The following FHIP1A variants were observed in gnomAD, a reference collection of about 807,000 sequenced individuals.
FHIP1A encodes the protein FHF complex subunit HOOK interacting protein 1A.
Under a neutral mutation model 88.6 loss-of-function variants are expected in FHIP1A, and 61 were observed. The ratio of observed to expected loss-of-function variants is 0.69; its 90% CI spans 0.56 to 0.85. The LOEUF is 0.85. Among genes scored for constraint, FHIP1A ranks in the 40% least tolerant of loss-of-function variants. The pLI is 0.00. For missense variants in FHIP1A, 1,154 were observed against 1,273.5 expected (o/e 0.91, Z 1.43); for synonymous variants, 478 against 496.0 (o/e 0.96, Z 0.48).
intron 7 of FHIP1A, among the ~76,000 whole-genome samples, chr4:151,608,021 C>CTT (rs1735142234): frequency 9.5e-6 from 1 of 105,050 alleles, no homozygotes; most frequent in Admixed American, 9.3e-5. Flanking sequence ...TTTTTCTTTT[C>CTT]TTTTTCTTTC....
rs148717657 is a variant in FHIP1A at position 151,535,567 on chromosome 4, C to A, written c.-122-30571C>A. On this transcript the variant is annotated intron_variant, in intron 3 of 13. Transcript: ENST00000435205. ...TCTATGTGCATATGTGTATGTATGT[C>A]CATACTTATATGTGTATTTGTAACT... 4.8e-3 allele frequency among the ~76,000 whole-genome samples: 724 copies of A among 152,214 alleles called. 4 individuals carry two copies. The highest frequency in any genetic ancestry group is 0.01 in the Middle Eastern group (3 of 294).
At chr4:151,548,394 C>T (rs1461421919) in intron 3 of FHIP1A, among the ~76,000 whole-genome samples, 1 of 152,132 alleles carries the variant, frequency 6.6e-6, no homozygotes, top group African/African-American at 2.4e-5. Context: ...ACCTGCTGGG[C>T]TGCATTTCTA....
At chr4:151,468,284 C>CAA (rs921242622) in intron 2 of FHIP1A, among the ~76,000 whole-genome samples, 574 of 37,514 alleles carry the variant, frequency 0.015, 12 homozygotes, top group African/African-American at 0.032. Context: ...GACTCCATCT[C>CAA]AAAAAAAAAA....
intron 7 of FHIP1A, among the ~76,000 whole-genome samples, chr4:151,608,296 C>T (rs1560797063): frequency 6.6e-6 from 1 of 152,096 alleles, no homozygotes; most frequent in East Asian, 1.9e-4. Context: ...CCACCCACCT[C>T]AGCCTCCCAA....
At chr4:151,596,077 C>A (rs1222393168) in intron 7 of FHIP1A, among the ~76,000 whole-genome samples, 1 of 152,144 alleles carries the variant, frequency 6.6e-6, no homozygotes, top group Admixed American at 6.5e-5. Context: ...ATGATGCTAG[C>A]TGGTTATTTT....
At chr4:151,508,303 T>C (rs1369056202) in intron 3 of FHIP1A, among the ~76,000 whole-genome samples, 1 of 152,156 alleles carries the variant, frequency 6.6e-6, no homozygotes, top group African/African-American at 2.4e-5. Context: ...GCACAATAAT[T>C]TGGGGAGAAA....
chr4:151,512,001 C>A (rs1361469352), intron 3 of FHIP1A, among the ~76,000 whole-genome samples: 1 of 152,212 alleles, frequency 6.6e-6, no homozygotes, highest in Non-Finnish European at 1.5e-5. Flanking sequence ...GGTCCCTGAC[C>A]CCTGACCCCC....
intron 7 of FHIP1A, among the ~76,000 whole-genome samples, chr4:151,609,558 A>C (rs1188072066): frequency 6.7e-6 from 1 of 149,318 alleles, no homozygotes; most frequent in Admixed American, 6.8e-5. Context: ...TAATAGAAGC[A>C]ATTGGAACAT....
At position 151,663,179 on chromosome 4, in the gene FHIP1A, C is replaced by T. The variant is rs1035359815; in HGVS notation, c.*425C>T. The T allele has an allele frequency of 1.9e-5, 3 of 156,066 alleles. No individual in the cohort carries two copies. Among genetic ancestry groups the T allele is most frequent in the Middle Eastern group, 3.3e-3 (1 of 306 alleles). The allele number at this position is 156,066 out of a possible 1,614,324, so 9.7% of individuals were successfully genotyped here. ...GGAAGATTGTACACCTGCAACTGTG[C>T]GAATGGTCCTGTTGCCTCCTGCATT... On this transcript the variant is annotated 3_prime_UTR_variant, in exon 14 of 14. Transcript: ENST00000435205.
At chr4:151,454,234 A>G (rs1279102110) in intron 1 of FHIP1A, among the ~76,000 whole-genome samples, 1 of 152,200 alleles carries the variant, frequency 6.6e-6, no homozygotes, top group Non-Finnish European at 1.5e-5. Flanking sequence ...GGGTTGTGAT[A>G]TGGCATTCAT....
chr4:151,465,964 G>C (rs1729297687), intron 2 of FHIP1A, among the ~76,000 whole-genome samples: 2 of 152,054 alleles, frequency 1.3e-5, no homozygotes, highest in Admixed American at 1.3e-4. Context: ...ACTGGCACAT[G>C]ACAAGGATGG....
intron 1 of FHIP1A, among the ~76,000 whole-genome samples, chr4:151,443,415 G>GCCTCAGCCT (rs1561496875): frequency 1.3e-5 from 2 of 152,058 alleles, no homozygotes; most frequent in African/African-American, 4.8e-5. Context: ...GGATCCTCCC[G>GCCTCAGCCT]CCTCAGCCTC....
chr4:151,470,356 C>G (rs1729464655), intron 2 of FHIP1A, among the ~76,000 whole-genome samples: 2 of 152,152 alleles, frequency 1.3e-5, no homozygotes, highest in South Asian at 4.1e-4. Context: ...GGCTTGGGGC[C>G]AGAACATTTT....
At chr4:151,511,144 A>C (rs1275909942) in intron 3 of FHIP1A, among the ~76,000 whole-genome samples, 1 of 152,212 alleles carries the variant, frequency 6.6e-6, no homozygotes, top group Non-Finnish European at 1.5e-5. Context: ...GCTCTTTGGA[A>C]ACTGTGAAAT....
At chr4:151,605,863 T>A (rs897995423) in intron 7 of FHIP1A, among the ~76,000 whole-genome samples, 4 of 152,228 alleles carry the variant, frequency 2.6e-5, no homozygotes, top group Admixed American at 1.3e-4. Flanking sequence ...GCCCACTTGC[T>A]GTAAGTGTGT....
intron 3 of FHIP1A, among the ~76,000 whole-genome samples, chr4:151,555,506 G>A (rs1355466654): frequency 6.6e-6 from 1 of 151,932 alleles, no homozygotes; most frequent in African/African-American, 2.4e-5. Flanking sequence ...ATTGAATTCT[G>A]TACTTTTTTA....
chr4:151,552,594 C>T, intron 3 of FHIP1A, among the ~76,000 whole-genome samples: 1 of 152,024 alleles, frequency 6.6e-6, no homozygotes, highest in East Asian at 1.9e-4. Context: ...CCAAATACCG[C>T]ATTTCTCACT....
At chr4:151,655,752 G>C (rs1179163002) in intron 11 of FHIP1A, among the ~76,000 whole-genome samples, 1 of 152,044 alleles carries the variant, frequency 6.6e-6, no homozygotes, top group African/African-American at 2.4e-5. Context: ...TAGTTTGTGC[G>C]TTTTTGGTGT....
At chr4:151,507,148 T>C (rs1730863781) in intron 3 of FHIP1A, among the ~76,000 whole-genome samples, 2 of 152,082 alleles carry the variant, frequency 1.3e-5, no homozygotes, top group South Asian at 2.1e-4. Flanking sequence ...TTTTGAGATA[T>C]GGTCTCACTC....
Sources: gnomAD v4.1 joint callset for allele counts (sites outside exome capture counted in the v4.1 genomes callset) on GRCh38, gnomAD v4.1.1 for gene constraint, MANE v1.5 for transcripts, NCBI Gene and HGNC (gene_info 2026-07-23, HGNC 2026-07-21) for gene names.